The following RHBDF1 variants were observed in gnomAD, a reference collection of about 807,000 sequenced individuals.
RHBDF1 encodes the protein inactive rhomboid protein 1.
A neutral mutation model predicts 98.6 loss-of-function variants in RHBDF1; 80 were observed. That is an observed-to-expected ratio of 0.81 (90% confidence interval 0.68 to 0.98). The LOEUF is 0.98. Among genes scored for constraint, RHBDF1 ranks in the 50% least tolerant of loss-of-function variants. The pLI, the probability that RHBDF1 is intolerant of heterozygous loss-of-function variation, is 0.00. For synonymous variants in RHBDF1, 512 were observed against 486.8 expected (o/e 1.05, Z -0.68); for missense variants, 1,116 against 1,198.3 (o/e 0.93, Z 1.01).
At position 58,167 on chromosome 16, in the gene RHBDF1, G is replaced by A. The variant is rs939357657; in HGVS notation, c.*173C>T. The stretch of plus-strand genomic sequence containing the variant: ...ACAGGAAGTAGTATAATAAATGCCC[G>A]GCAGTACGAGGGGTTCAACAGAAGT... On this transcript the variant is annotated 3_prime_UTR_variant, in exon 18 of 18. Coordinates refer to ENST00000262316, the MANE Select transcript of RHBDF1 (RefSeq NM_022450.5). 41 of 608,466 alleles carry A rather than the reference G, an allele frequency of 6.7e-5. No individual in the cohort carries two copies. Among genetic ancestry groups the A allele is most frequent in the African/African-American group, 4.4e-4 (24 of 54,058 alleles). The allele number at this position is 608,466 out of a possible 1,614,324, so 37.7% of individuals were successfully genotyped here.
intron 3 of RHBDF1, chr16:64,360 C>T (rs892343060): frequency 5.3e-5 from 72 of 1,371,178 alleles, no homozygotes; most frequent in Middle Eastern, 2.0e-4. Context: ...GAGAGACTGG[C>T]GCTGTGGGAA....
chr16:59,603 T>C (rs1897529428), intron 14 of RHBDF1, 109 bp from the exon 15 acceptor site: 4 of 1,477,694 alleles, frequency 2.7e-6, no homozygotes, highest in African/African-American at 1.4e-5. Flanking sequence ...CCCAAGGAAG[T>C]CCAGACCCCC....
In RHBDF1 at chr16:64,747, C is replaced by T. The variant is rs757169652; in HGVS notation, c.200G>A (p.Arg67Gln). The T allele has an allele frequency of 5.0e-5, 81 of 1,613,840 alleles. No homozygotes were observed. The highest frequency in any genetic ancestry group is 2.0e-4 in the African/African-American group (15 of 74,984). ...AHISSPHHEL[R>Q]RPVLQRQTSI... ...CGTCTGGCGTTGCAGCACCGGCCGCCGGAGCTCATGGTGGGGTGAAGAGAT... is the reference window on the plus strand; with the variant it reads ...CGTCTGGCGTTGCAGCACCGGCCGCTGGAGCTCATGGTGGGGTGAAGAGAT... The change falls in exon 3 of 18, where the codon CGG becomes CAG. Residue 67 changes from arginine (R) to glutamine (Q), a missense_variant. Physicochemically the swap from Arg to Gln is conservative, Grantham distance 43. Transcript: ENST00000262316.
At position 61,745 on chromosome 16, in the gene RHBDF1, C is replaced by A. The variant is rs772023662; in HGVS notation, c.1209-49G>T. The A allele has an allele frequency of 5.0e-6, 8 of 1,612,196 alleles. No homozygotes were observed. The South Asian group carries it at 8.8e-5, about 18-fold the overall frequency. On this transcript the variant is annotated intron_variant, in intron 8 of 17. Coordinates refer to ENST00000262316, the MANE Select transcript of RHBDF1 (RefSeq NM_022450.5). ...GGCCTCATCCCCGACCCGGAGCCCC[C>A]ACCCTCCCCCGGGAGCCTCCATCCC...
chr16:63,525 G>T, intron 4 of RHBDF1, 62 bp downstream of exon 4: 1 of 1,395,766 alleles, frequency 7.2e-7, no homozygotes, highest in Non-Finnish European at 9.7e-7. Context: ...GGCTGTGTCC[G>T]CAGCCCCAGC....
At chr16:68,136 C>A (rs1897876780) in intron 1 of RHBDF1, among the ~76,000 whole-genome samples, 2 of 152,182 alleles carry the variant, frequency 1.3e-5, no homozygotes, top group South Asian at 4.1e-4. Context: ...GCCGCCATGC[C>A]TCTACATCCA....
At chr16:62,945 CA>C (rs1356406995) in intron 5 of RHBDF1, 27 bp downstream of exon 5, 2 of 1,612,402 alleles carry the variant, frequency 1.2e-6, no homozygotes, top group African/African-American at 2.7e-5. Flanking sequence ...GGTCGGCCCC[CA>C]ACCCCGCCTT....
upstream of RHBDF1, chr16:73,886 A>T (rs988417296): frequency 3.1e-6 from 3 of 966,270 alleles, no homozygotes; most frequent in African/African-American, 5.3e-5. Context: ...AGAAAAGGGG[A>T]GAATTTGAAC....
At position 61,378 on chromosome 16, in the gene RHBDF1, T is replaced by C. The variant is rs771570005; in HGVS notation, c.1395+7A>G. On this transcript the variant is annotated splice_region_variant and intron_variant, in intron 10 of 17. Transcript: ENST00000262316. The stretch of plus-strand genomic sequence containing the variant: ...CCCGCCGGCCCCGCCCCCAGCCCCG[T>C]CCTCACCGAGCTGGGCCCGATCCAG... The C allele has an allele frequency of 5.0e-6, 8 of 1,597,660 alleles. No individual in the cohort carries two copies. Among genetic ancestry groups the C allele is most frequent in the Non-Finnish European group, 6.8e-6 (8 of 1,172,318 alleles).
chr16:61,047 GCCGA>G, intron 11 of RHBDF1, 69 bp downstream of exon 11: 1 of 1,453,074 alleles, frequency 6.9e-7, no homozygotes, highest in South Asian at 1.3e-5. Context: ...GGATCACTCT[GCCGA>G]GTCTATCTGA....
rs746845357 is a variant in RHBDF1, at chr16:62,992, G to A, written c.653C>T (p.Ala218Val). ...ACCCACTTTCATCAGCGCTGCGGCC[G>A]CCCGGAAGCTCATCTTGGCCACCGA... is the stretch of plus-strand genomic sequence containing the variant. ...RESVAKMSFR[A>V]AAALMKGRSV... The change falls in exon 5 of 18, where the codon GCG becomes GTG. Residue 218 changes from alanine to valine, a missense_variant. Coordinates refer to ENST00000262316, the MANE Select transcript of RHBDF1 (RefSeq NM_022450.5). The A allele has an allele frequency of 4.5e-5, 72 of 1,611,936 alleles. No individual in the cohort carries two copies. In the South Asian group the frequency reaches 6.0e-4, roughly 14 times the overall value.
chr16:69,346 C>G (rs1897912740), intron 1 of RHBDF1, among the ~76,000 whole-genome samples: 1 of 152,136 alleles, frequency 6.6e-6, no homozygotes, highest in African/African-American at 2.4e-5. Flanking sequence ...GAGTTGACTG[C>G]CAACCCCGGG....
At chr16:61,495 A>G in intron 9 of RHBDF1, 36 bp from the exon 10 acceptor site, 1 of 1,611,814 alleles carries the variant, frequency 6.2e-7, no homozygotes, top group Non-Finnish European at 8.5e-7. Context: ...ACGGGCCCCG[A>G]CTCTGGCCCT....
chr16:68,108 C>T (rs1338410287), intron 1 of RHBDF1, among the ~76,000 whole-genome samples: 4 of 152,158 alleles, frequency 2.6e-5, no homozygotes, highest in Non-Finnish European at 5.9e-5. Flanking sequence ...GAGTGCTCAG[C>T]TCATGAAGGA....
At chr16:73,919 G>A (rs917836919), upstream of RHBDF1, 8 of 984,496 alleles carry the variant, frequency 8.1e-6, no homozygotes, top group East Asian at 1.1e-4. Context: ...TACACTTACC[G>A]GTAGATCCCA....
chr16:64,565 G>C, intron 3 of RHBDF1, 134 bp downstream of exon 3: 1 of 1,544,150 alleles, frequency 6.5e-7, no homozygotes, highest in Non-Finnish European at 8.7e-7. Flanking sequence ...AGGGCAAGGG[G>C]ATGGTGGGGA....
At chr16:67,090 G>A (rs1897849547) in intron 1 of RHBDF1, among the ~76,000 whole-genome samples, 1 of 152,196 alleles carries the variant, frequency 6.6e-6, no homozygotes, top group African/African-American at 2.4e-5. Flanking sequence ...ATGGACTGCA[G>A]TACCATCACC....
upstream of RHBDF1, chr16:74,571 T>C (rs1481202899): frequency 6.6e-6 from 1 of 152,026 alleles, no homozygotes; most frequent in Non-Finnish European, 1.5e-5. Context: ...AGAGCCTGTG[T>C]CCAGGAATCC....
Position 60,543 on chromosome 16 carries a change from TG to T in RHBDF1, c.1558-5del. 6.2e-7 allele frequency: 1 copy of T among 1,604,878 alleles called. No individual in the cohort carries two copies. ...TCACCCACACTGCCAGCGTGGACTG[TG>T]GGAGGGGGACACAGGGTCAGGTCCA... On this transcript the variant is annotated splice_polypyrimidine_tract_variant and splice_region_variant and intron_variant, in intron 11 of 17. Coordinates refer to ENST00000262316, the MANE Select transcript of RHBDF1 (RefSeq NM_022450.5).
Sources: allele counts gnomAD v4.1 joint callset (sites outside exome capture counted in the v4.1 genomes callset), GRCh38; gene constraint gnomAD v4.1.1; transcripts MANE v1.5; gene names NCBI Gene and HGNC (gene_info 2026-07-23, HGNC 2026-07-21).